The following PKIB variants were observed in gnomAD, a reference collection of about 807,000 sequenced individuals.
The protein encoded by PKIB is PKI-beta.
In PKIB, 2 loss-of-function variants were observed where a neutral mutation model predicts 4.5. The observed-to-expected ratio is 0.44, with a 90% CI of 0.18 to 1.39. The LOEUF (loss-of-function observed/expected upper bound fraction) is 1.39, where lower values mean the gene tolerates loss of function less well. PKIB is among the 40% of genes most tolerant of loss of function. The pLI, the probability that PKIB is intolerant of heterozygous loss-of-function variation, is 0.27. For synonymous variants in PKIB, 38 were observed against 36.0 expected, an observed-to-expected ratio of 1.06 and a Z score of -0.20; for missense variants, 94 against 92.6, an observed-to-expected ratio of 1.02 and a Z score of -0.06.
At chr6:122,612,187 A>G (rs991116630) in intron 1 of PKIB, among the ~76,000 whole-genome samples, 7 of 152,196 alleles carry the variant, frequency 4.6e-5, no homozygotes, top group Non-Finnish European at 8.8e-5. Flanking sequence ...TCTTACAATT[A>G]TTTAAATTCT....
At chr6:122,595,383 T>G (rs902002404) in intron 3 of PKIB, among the ~76,000 whole-genome samples, 1 of 152,166 alleles carries the variant, frequency 6.6e-6, no homozygotes, top group East Asian at 1.9e-4. Context: ...GTGAATTCCA[T>G]GAGCATGAAT....
intron 2 of PKIB, among the ~76,000 whole-genome samples, chr6:122,513,778 C>CA (rs1776659751): frequency 6.6e-6 from 1 of 152,148 alleles, no homozygotes; most frequent in Admixed American, 6.6e-5. Context: ...TGGCCTCCAG[C>CA]TGTATCTATG....
rs71021412 is a variant in PKIB, at chr6:122,662,308, C to CTTTTTTTTTTTTTTTTTTTTTTTTTT, written c.-75-12766_-75-12741dup. Among the ~76,000 whole-genome samples, 32 of 13,260 alleles carry CTTTTTTTTTTTTTTTTTTTTTTTTTT rather than the reference C, an allele frequency of 2.4e-3. 8 individuals carry two copies. The highest frequency in any genetic ancestry group is 4.8e-3 in the Admixed American group (3 of 630). 8.7% of individuals were successfully genotyped at this position (13,260 alleles called of 152,430 possible). A position where few individuals can be genotyped will look rare whatever the true frequency, so the allele number is the denominator to read the frequency against. Reference sequence around the variant, plus strand: ...CTCTCCTTCTTTCTTTCCTTGTCTCCTTTTTTTTTTTTTTTTTTTTTTTTT... The same window carrying CTTTTTTTTTTTTTTTTTTTTTTTTTT: ...CTCTCCTTCTTTCTTTCCTTGTCTCCTTTTTTTTTTTTTTTTTTTTTTTTTTTTTTTTTTTTTTTTTTTTTTTTTTT... On this transcript the variant is annotated intron_variant, in intron 2 of 4. Coordinates refer to ENST00000368452, the MANE Select transcript of PKIB (RefSeq NM_181795.3).
intron 2 of PKIB, among the ~76,000 whole-genome samples, chr6:122,506,747 G>A (rs1171953399): frequency 5.5e-5 from 8 of 144,846 alleles, no homozygotes; most frequent in African/African-American, 1.8e-4. Context: ...TGGCCCAGGC[G>A]GGAGTGCAGT....
chr6:122,702,066 GT>G (rs35491041), intron 3 of PKIB, among the ~76,000 whole-genome samples: 49,027 of 151,938 alleles, frequency 0.32, 9,119 homozygotes, highest in South Asian at 0.56. Context: ...AAGGAAGACA[GT>G]AAGGAGACTT....
chr6:122,612,201 G>A (rs757922993), intron 1 of PKIB, among the ~76,000 whole-genome samples: 6 of 151,734 alleles, frequency 4.0e-5, no homozygotes, highest in Admixed American at 6.6e-5. Context: ...AAATTCTTAC[G>A]CAGTTTGCAT....
At chr6:122,496,525 C>G (rs187341950) in intron 2 of PKIB, among the ~76,000 whole-genome samples, 1 of 152,152 alleles carries the variant, frequency 6.6e-6, no homozygotes, top group Admixed American at 6.5e-5. Flanking sequence ...GATAAATCTT[C>G]TAAAAAGAAA....
chr6:122,561,064 T>C (rs1772996776), intron 2 of PKIB, among the ~76,000 whole-genome samples: 1 of 152,006 alleles, frequency 6.6e-6, no homozygotes, highest in African/African-American at 2.4e-5. Context: ...TCTTGGTAAT[T>C]TCCTTTCTTC....
chr6:122,709,218 T>C (rs1313541766), intron 3 of PKIB, among the ~76,000 whole-genome samples: 2 of 152,146 alleles, frequency 1.3e-5, no homozygotes, highest in African/African-American at 4.8e-5. Context: ...TTTCTAGAAG[T>C]TGAAAGTCCA....
intron 2 of PKIB, among the ~76,000 whole-genome samples, chr6:122,653,446 C>T (rs12200245): frequency 0.25 from 38,411 of 151,640 alleles, 5,371 homozygotes; most frequent in East Asian, 0.37. Flanking sequence ...TAAATTGCTC[C>T]GACAGGATTG....
chr6:122,560,616 C>T (rs1772984516), intron 2 of PKIB, among the ~76,000 whole-genome samples: 1 of 152,050 alleles, frequency 6.6e-6, no homozygotes, highest in African/African-American at 2.4e-5. Context: ...AGGATTGATA[C>T]CAATTCTTCT....
intron 2 of PKIB, among the ~76,000 whole-genome samples, chr6:122,515,691 A>G: frequency 6.6e-6 from 1 of 152,316 alleles, no homozygotes; most frequent in Non-Finnish European, 1.5e-5. Flanking sequence ...TAATTAAAAT[A>G]TTAGTAAACT....
intron 3 of PKIB, among the ~76,000 whole-genome samples, chr6:122,586,619 A>G (rs1773855659): frequency 6.6e-6 from 1 of 152,172 alleles, no homozygotes; most frequent in African/African-American, 2.4e-5. Context: ...TAAATTCACC[A>G]AAGTCTCTTT....
At chr6:122,650,652 A>G (rs561610300) in intron 2 of PKIB, among the ~76,000 whole-genome samples, 1 of 152,254 alleles carries the variant, frequency 6.6e-6, no homozygotes, top group African/African-American at 2.4e-5. Flanking sequence ...CACCCAGTTC[A>G]GTGGCAGCAA....
At chr6:122,681,226 G>GT (rs71272333) in intron 3 of PKIB, among the ~76,000 whole-genome samples, 8,550 of 151,882 alleles carry the variant, frequency 0.056, 260 homozygotes, top group East Asian at 0.13. Context: ...TTTTTATAAT[G>GT]TTTTTTCTCA....
intron 3 of PKIB, among the ~76,000 whole-genome samples, chr6:122,693,191 A>C (rs1051107458): frequency 6.6e-6 from 1 of 152,192 alleles, no homozygotes; most frequent in Admixed American, 6.5e-5. Context: ...CAGACCCCAG[A>C]ACACAAGGCT....
At chr6:122,545,813 GAATA>G (rs1217471285) in intron 2 of PKIB, among the ~76,000 whole-genome samples, 4 of 150,654 alleles carry the variant, frequency 2.7e-5, no homozygotes. Flanking sequence ...GAAAATAAAT[GAATA>G]AATAAAGGCT....
At chr6:122,681,129 C>G (rs1445589546) in intron 3 of PKIB, among the ~76,000 whole-genome samples, 1 of 152,108 alleles carries the variant, frequency 6.6e-6, no homozygotes. Context: ...TGAGCCAGGT[C>G]CTGACACATT....
At chr6:122,500,982 C>T (rs972422922) in intron 2 of PKIB, among the ~76,000 whole-genome samples, 1 of 152,022 alleles carries the variant, frequency 6.6e-6, no homozygotes, top group Non-Finnish European at 1.5e-5. Flanking sequence ...AGGAAGTCTG[C>T]CCCCATGATT....
Sources: gnomAD v4.1 joint callset for allele counts (sites outside exome capture counted in the v4.1 genomes callset) on GRCh38, gnomAD v4.1.1 for gene constraint, MANE v1.5 for transcripts, NCBI Gene and HGNC (gene_info 2026-07-23, HGNC 2026-07-21) for gene names.